Variants in NAA15 observed in about 807,000 individuals in gnomAD.
The protein encoded by NAA15 is N-terminal acetyltransferase.
NAA15 carries 34 observed loss-of-function variants against 114.0 expected under a neutral mutation model. That is an observed-to-expected ratio of 0.30 (90% CI 0.23 to 0.40). The LOEUF (loss-of-function observed/expected upper bound fraction) is 0.40, where lower values mean the gene tolerates loss of function less well. Ranked by LOEUF, NAA15 falls within the 10% of genes least tolerant of loss-of-function variation. The pLI is 1.00. For missense variants in NAA15, 658 were observed against 1,004.5 expected, an observed-to-expected ratio of 0.66 and a Z score of 4.66; for synonymous variants, 340 against 338.0, an observed-to-expected ratio of 1.01 and a Z score of -0.06.
chr4:139,369,801 A>ATTTT (rs72490278), intron 14 of NAA15, among the ~76,000 whole-genome samples: 1 of 150,356 alleles, frequency 6.7e-6, no homozygotes, highest in Non-Finnish European at 1.5e-5. Context: ...ACCATGTAAT[A>ATTTT]TTTTTTTAAA....
At chr4:139,385,158 G>A (rs866569918) in intron 18 of NAA15, among the ~76,000 whole-genome samples, 180 bp downstream of exon 18, 21 of 150,642 alleles carry the variant, frequency 1.4e-4, no homozygotes, top group Middle Eastern at 6.8e-3. Context: ...GGCACATACC[G>A]GTAGTCCCAG....
chr4:139,307,876 G>A (rs1038599223), intron 1 of NAA15, among the ~76,000 whole-genome samples: 1 of 152,110 alleles, frequency 6.6e-6, no homozygotes, highest in Non-Finnish European at 1.5e-5. Context: ...GGGGAGGGGT[G>A]TAGGAGGAGG....
At chr4:139,314,998 C>CAGGTTAGTTTAGTTTAGTTT (rs1553992504) in intron 1 of NAA15, among the ~76,000 whole-genome samples, 2 of 66,664 alleles carry the variant, frequency 3.0e-5, no homozygotes, top group Non-Finnish European at 6.1e-5. Context: ...CAGTTCAGTT[C>CAGGTTAGTTTAGTTTAGTTT]AGTTTAGTTT....
At chr4:139,366,796 G>A (rs1748298213) in intron 14 of NAA15, among the ~76,000 whole-genome samples, 2 of 151,970 alleles carry the variant, frequency 1.3e-5, no homozygotes, top group Admixed American at 1.3e-4. Context: ...CTTTGTAGAG[G>A]TGGGGTCTTG....
chr4:139,337,901 A>G (rs1226909496), intron 3 of NAA15, among the ~76,000 whole-genome samples: 1 of 152,244 alleles, frequency 6.6e-6, no homozygotes, highest in East Asian at 1.9e-4. Context: ...CCAGTAAAGC[A>G]GAAGTATGTG....
intron 1 of NAA15, among the ~76,000 whole-genome samples, chr4:139,329,665 A>G (rs1427989929): frequency 6.6e-6 from 1 of 152,230 alleles, no homozygotes. Context: ...GGCTGTGAGA[A>G]TTGTTAAACT....
intron 15 of NAA15, among the ~76,000 whole-genome samples, chr4:139,370,632 G>T (rs1485165411): frequency 6.6e-6 from 1 of 152,108 alleles, no homozygotes; most frequent in African/African-American, 2.4e-5. Context: ...ATAGTATGGT[G>T]GAAAAAATTT....
At chr4:139,327,267 T>C (rs1250738399) in intron 1 of NAA15, among the ~76,000 whole-genome samples, 1 of 152,080 alleles carries the variant, frequency 6.6e-6, no homozygotes, top group Non-Finnish European at 1.5e-5. Flanking sequence ...TTTGTTTGTT[T>C]GAGACAGAGT....
chr4:139,371,914 TTTTGTTTG>T (rs754793509), intron 15 of NAA15, among the ~76,000 whole-genome samples: 2 of 152,108 alleles, frequency 1.3e-5, no homozygotes, highest in Non-Finnish European at 2.9e-5. Flanking sequence ...TGTATTTCTC[TTTTGTTTG>T]TTTGTTTGTT....
At chr4:139,320,499 G>A (rs1040335114) in intron 1 of NAA15, among the ~76,000 whole-genome samples, 1 of 152,006 alleles carries the variant, frequency 6.6e-6, no homozygotes, top group African/African-American at 2.4e-5. Flanking sequence ...CTTCCTGAAT[G>A]TTTCCCCGGG....
Position 139,333,595 on chromosome 4 carries a change from A to G in NAA15, c.55-579A>G, listed in dbSNP as rs151262388. On this transcript the variant is annotated intron_variant, in intron 1 of 19. Transcript: ENST00000296543. ...AAAAGAAAATGTTCTTTAGAAAACTAGCTGGGCATAGTGGCTCATGCCTGT... is the reference window on the plus strand; with the variant it reads ...AAAAGAAAATGTTCTTTAGAAAACTGGCTGGGCATAGTGGCTCATGCCTGT... Among the ~76,000 whole-genome samples the G allele has an allele frequency of 4.1e-3, 617 of 152,332 alleles. 6 individuals are homozygous for G. The highest frequency in any genetic ancestry group is 0.012 in the African/African-American group (516 of 41,576).
intron 14 of NAA15, among the ~76,000 whole-genome samples, chr4:139,363,915 C>A (rs1324156312): frequency 6.6e-6 from 1 of 152,216 alleles, no homozygotes; most frequent in Non-Finnish European, 1.5e-5. Flanking sequence ...GGATCTCATA[C>A]TTTTGCCCAG....
In NAA15 at chr4:139,358,317, G is replaced by A. The variant is rs181703789; in HGVS notation, c.1257+762G>A. On this transcript the variant is annotated intron_variant, in intron 11 of 19. Transcript: ENST00000296543. ...AAGCAATTCTCATGCCTCAGCCTCCGGAGTGGTAGCTGGGATTATAGGCAT... is the reference window on the plus strand; with the variant it reads ...AAGCAATTCTCATGCCTCAGCCTCCAGAGTGGTAGCTGGGATTATAGGCAT... 6.9e-4 allele frequency among the ~76,000 whole-genome samples: 105 copies of A among 151,260 alleles called. 2 individuals carry two copies. In the East Asian group the frequency reaches 0.014, roughly 20 times the overall value.
intron 6 of NAA15, 117 bp from the exon 7 acceptor site, chr4:139,349,345 C>T (rs1747703697): frequency 1.2e-6 from 1 of 838,580 alleles, no homozygotes; most frequent in Non-Finnish European, 1.8e-6. Flanking sequence ...CAGGTCCATC[C>T]ACTTAGCAGC....
intron 1 of NAA15, among the ~76,000 whole-genome samples, chr4:139,308,387 G>A (rs1400115141): frequency 6.6e-6 from 1 of 152,220 alleles, no homozygotes; most frequent in Non-Finnish European, 1.5e-5. Context: ...TTGTTAGCAA[G>A]TAGGTGTCCA....
At chr4:139,349,616 T>C in intron 7 of NAA15, 35 bp downstream of exon 7, 1 of 1,552,844 alleles carries the variant, frequency 6.4e-7, no homozygotes, top group Non-Finnish European at 8.7e-7. Flanking sequence ...GTTTTATTGT[T>C]TCTTTTGTTA....
chr4:139,313,419 A>G (rs1579083609), intron 1 of NAA15, among the ~76,000 whole-genome samples: 1 of 151,940 alleles, frequency 6.6e-6, no homozygotes, highest in South Asian at 2.1e-4. Context: ...TTTAGTATCT[A>G]TTTTGAGCCA....
At chr4:139,335,356 A>T (rs1415983497) in intron 2 of NAA15, among the ~76,000 whole-genome samples, 4 of 151,958 alleles carry the variant, frequency 2.6e-5, no homozygotes, top group Non-Finnish European at 5.9e-5. Context: ...TCCCTACATC[A>T]TTTCACTGTT....
Position 139,344,269 on chromosome 4 carries a change from A to G in NAA15, c.621A>G (p.Arg207=). ...TTCTTCGGGAAGCAGGTCTCTATAG[A>G]GAAGCTTTGGAACATCTTTGTACCT... ...NQVLREAGLY[R]EALEHLCTYE... is the part of the protein sequence containing the mutation. The change falls in exon 6 of 20, where the codon AGA becomes AGG. Residue 207 remains arginine, a synonymous_variant. Transcript: ENST00000296543. 2 of 1,613,276 alleles carry G rather than the reference A, an allele frequency of 1.2e-6. No homozygotes were observed. Among genetic ancestry groups the G allele is most frequent in the South Asian group, 2.2e-5 (2 of 91,006 alleles).
Sources: gnomAD v4.1 joint callset for allele counts (sites outside exome capture counted in the v4.1 genomes callset) on GRCh38, gnomAD v4.1.1 for gene constraint, MANE v1.5 for transcripts, NCBI Gene and HGNC (gene_info 2026-07-23, HGNC 2026-07-21) for gene names.